PKD1L1: variants seen among roughly 807,000 people sequenced by gnomAD.
The protein encoded by PKD1L1 is polycystin-1-like protein 1.
A neutral mutation model predicts 323.4 loss-of-function variants in PKD1L1; 236 were observed. That is an observed-to-expected ratio of 0.73 (90% CI 0.66 to 0.81). The LOEUF is 0.81. PKD1L1 is among the 40% of genes least tolerant of loss of function. The pLI is 0.00. For missense variants in PKD1L1, 3,320 were observed against 3,508.0 expected (o/e 0.95, Z 1.35); for synonymous variants, 1,344 against 1,335.0 (o/e 1.01, Z -0.15).
intron 26 of PKD1L1, among the ~76,000 whole-genome samples, chr7:47,863,977 G>A (rs1191102332): frequency 6.6e-6 from 1 of 152,192 alleles, no homozygotes; most frequent in South Asian, 2.1e-4. Context: ...CTGGAAGCAG[G>A]TTTGATTTCA....
In PKD1L1 at chr7:47,837,002, C is replaced by T. The variant is rs148631970; in HGVS notation, c.5862G>A (p.Thr1954=). The T allele has an allele frequency of 1.1e-4, 175 of 1,614,188 alleles. 1 individual carries two copies. The African/African-American group carries it at 1.9e-3, about 17-fold the overall frequency. The change falls in exon 37 of 57, where the codon ACG becomes ACA. Residue 1954 remains threonine, a synonymous_variant. Coordinates refer to ENST00000289672, the MANE Select transcript of PKD1L1 (RefSeq NM_138295.5). ...SRPSSSRYLH[T]PRLTVSFSLL... is the part of the protein sequence containing the mutation. ...GGGAGAAGGACACGGTGAGGCGCGG[C>T]GTGTGCAGGTAGCGGCTGGAGGAGG...
chr7:47,880,877 G>A, intron 20 of PKD1L1, 72 bp from the exon 21 acceptor site: 1 of 1,237,296 alleles, frequency 8.1e-7, no homozygotes, highest in Admixed American at 2.1e-5. Context: ...CAGAGTCCTT[G>A]GAAATGAGTT....
Position 47,876,114 on chromosome 7 carries a change from T to G in PKD1L1, c.3767A>C (p.His1256Pro). 2 of 1,614,116 alleles carry G rather than the reference T, an allele frequency of 1.2e-6. No individual in the cohort carries two copies. Among genetic ancestry groups the G allele is most frequent in the Non-Finnish European group, 1.7e-6 (2 of 1,179,982 alleles). ...TAGCTTACCTTTGTAATTGTCCAAG[T>G]GCTCACCAGCTGGCAACACAAAATA... Reference protein sequence around the residue: ...QYYFVLPAGEHLDNYKVMVST... With the variant: ...QYYFVLPAGEPLDNYKVMVST... The change falls in exon 23 of 57, where the codon CAC becomes CCC. Residue 1256 changes from histidine to proline, a missense_variant. Physicochemically the swap from His to Pro is moderately conservative, Grantham distance 77 (BLOSUM62 -2). Coordinates refer to ENST00000289672, the MANE Select transcript of PKD1L1 (RefSeq NM_138295.5).
chr7:47,911,252 C>T (rs1244531682), intron 8 of PKD1L1, among the ~76,000 whole-genome samples: 1 of 152,146 alleles, frequency 6.6e-6, no homozygotes, highest in Non-Finnish European at 1.5e-5. Context: ...TCTGCTTTTA[C>T]TGTGTGCTGT....
rs201251343 is a variant in PKD1L1, at chr7:47,920,298, C to T, written c.1061-4699G>A. Among the ~76,000 whole-genome samples, 30 of 140,378 alleles carry T rather than the reference C, an allele frequency of 2.1e-4. 1 individual carries two copies. The highest frequency in any genetic ancestry group is 1.5e-3 in the Admixed American group (22 of 14,242). The allele number at this position is 140,378 out of a possible 152,430, so 92.1% of individuals were successfully genotyped here. A position where few individuals can be genotyped will look rare whatever the true frequency, so the allele number is the denominator to read the frequency against. On this transcript the variant is annotated intron_variant, in intron 7 of 56. Transcript: ENST00000289672. ...AAAAACCAAAACAAACAAACAAAAA[C>T]AAAAAAAAAAAACCACTTAGGAATA...
intron 50 of PKD1L1, among the ~76,000 whole-genome samples, chr7:47,809,913 T>G (rs768507534): frequency 3.3e-5 from 5 of 152,232 alleles, no homozygotes; most frequent in Non-Finnish European, 5.9e-5. Context: ...TCCTTGGCAC[T>G]GCTCAAAAGA....
intron 54 of PKD1L1, among the ~76,000 whole-genome samples, chr7:47,796,638 C>T (rs1256373218): frequency 1.3e-5 from 2 of 152,108 alleles, no homozygotes; most frequent in African/African-American, 2.4e-5. Flanking sequence ...AAGCTGTTAG[C>T]TCAAAAGCCT....
intron 26 of PKD1L1, among the ~76,000 whole-genome samples, chr7:47,864,369 G>A (rs1484044135): frequency 1.3e-5 from 2 of 152,056 alleles, no homozygotes. Flanking sequence ...CAATGCAGGG[G>A]GAACATCAGC....
chr7:47,784,576 A>G (rs6949502), intron 56 of PKD1L1, among the ~76,000 whole-genome samples: 42,245 of 151,772 alleles, frequency 0.28, 6,203 homozygotes, highest in East Asian at 0.57. Context: ...AGGCTCAAGC[A>G]ATTCTCCTGC....
intron 31 of PKD1L1, among the ~76,000 whole-genome samples, chr7:47,850,357 C>T (rs981941618): frequency 3.3e-5 from 5 of 152,048 alleles, no homozygotes; most frequent in South Asian, 2.1e-4. Context: ...TGGGGACGGG[C>T]GCCGTGGCTC....
chr7:47,777,762 C>T (rs1786601812), intron 56 of PKD1L1, among the ~76,000 whole-genome samples: 1 of 152,148 alleles, frequency 6.6e-6, no homozygotes, highest in African/African-American at 2.4e-5. Flanking sequence ...GGGAAGTTGG[C>T]ACAGTTCTCA....
At chr7:47,820,258 GAC>G (rs1325017070) in intron 46 of PKD1L1, among the ~76,000 whole-genome samples, 3 of 152,170 alleles carry the variant, frequency 2.0e-5, no homozygotes, top group Non-Finnish European at 4.4e-5. Context: ...AAAGAAATAT[GAC>G]ACAACAAAAT....
chr7:47,890,006 C>T (rs1786774810), intron 16 of PKD1L1, among the ~76,000 whole-genome samples: 1 of 152,240 alleles, frequency 6.6e-6, no homozygotes, highest in Non-Finnish European at 1.5e-5. Flanking sequence ...CCGGGGGCTG[C>T]ACTACACCCA....
Position 47,866,435 on chromosome 7 carries a change from A to G in PKD1L1, c.4076T>C (p.Leu1359Ser), listed in dbSNP as rs1260097958. ...QDALISSVCR[L>S]AFVDQEEMIG... Reference sequence around the variant, plus strand: ...GAGCCATACCTGATCTACAAAAGCCAATCTGCATACTGAAGAAATTAATGC... The same window carrying G: ...GAGCCATACCTGATCTACAAAAGCCGATCTGCATACTGAAGAAATTAATGC... Residue 1359 changes from leucine to serine, a missense_variant, in exon 25 of 57, where the codon TTG (leucine) becomes TCG (serine). Leu to Ser is a moderately radical substitution (Grantham distance 145). Coordinates refer to ENST00000289672, the MANE Select transcript of PKD1L1 (RefSeq NM_138295.5). The G allele has an allele frequency of 1.2e-6, 2 of 1,613,480 alleles. No individual in the cohort carries two copies. Among genetic ancestry groups the G allele is most frequent in the Non-Finnish European group, 1.7e-6 (2 of 1,179,790 alleles).
intron 9 of PKD1L1, 49 bp from the exon 10 acceptor site, chr7:47,906,011 C>T (rs1291061407): frequency 6.7e-7 from 1 of 1,494,896 alleles, no homozygotes; most frequent in African/African-American, 1.4e-5. Context: ...AAAATTAATT[C>T]ACTTTTATCA....
upstream of PKD1L1, among the ~76,000 whole-genome samples, chr7:47,952,422 A>G (rs1401697597): frequency 1.3e-5 from 2 of 152,186 alleles, no homozygotes; most frequent in Non-Finnish European, 2.9e-5. Flanking sequence ...TGGAACCCGA[A>G]GCAACAGGGA....
rs200426102 is a variant in PKD1L1, at chr7:47,843,024, G to A, written c.5383C>T (p.His1795Tyr). ...TCAATGACGACCGCATATAGCTGATGGCCCGGCAGGGAAGCTTCTTGCAGA... is the reference window on the plus strand; with the variant it reads ...TCAATGACGACCGCATATAGCTGATAGCCCGGCAGGGAAGCTTCTTGCAGA... Reference protein sequence around the residue: ...IFLQEASLPGHQLYAVVIDTG... With the variant: ...IFLQEASLPGYQLYAVVIDTG... The change falls in exon 34 of 57, where the codon CAT (histidine) becomes TAT (tyrosine). Residue 1795 changes from histidine (H) to tyrosine (Y), a missense_variant. His to Tyr is a moderately conservative substitution (Grantham distance 83, BLOSUM62 2). Transcript: ENST00000289672. The A allele has an allele frequency of 1.2e-5, 20 of 1,614,000 alleles. No individual in the cohort carries two copies. Among genetic ancestry groups the A allele is most frequent in the Admixed American group, 1.7e-5 (1 of 60,016 alleles).
intron 48 of PKD1L1, chr7:47,813,718 C>T (rs935929640): frequency 9.6e-5 from 61 of 633,848 alleles, no homozygotes; most frequent in Middle Eastern, 2.5e-4. Context: ...TGCAGCAGAA[C>T]GTCAAGGAAG....
chr7:47,876,120 C>G lies in PKD1L1; in HGVS notation c.3761G>C (p.Gly1254Ala), dbSNP rs1719816377. 1 of 1,614,008 alleles carries G rather than the reference C, an allele frequency of 6.2e-7. No individual in the cohort carries two copies. The highest frequency in any genetic ancestry group is 8.5e-7 in the Non-Finnish European group (1 of 1,179,998). Residue 1254 changes from glycine (G) to alanine (A), a missense_variant, in exon 23 of 57, where the codon GGT (glycine) becomes GCT (alanine). Coordinates refer to ENST00000289672, the MANE Select transcript of PKD1L1 (RefSeq NM_138295.5). The stretch of plus-strand genomic sequence containing the variant: ...ACCTTTGTAATTGTCCAAGTGCTCA[C>G]CAGCTGGCAACACAAAATAATACTG... ...DTQYYFVLPA[G>A]EHLDNYKVMV...
Sources: gnomAD v4.1 joint callset for allele counts (sites outside exome capture counted in the v4.1 genomes callset) on GRCh38, gnomAD v4.1.1 for gene constraint, MANE v1.5 for transcripts, NCBI Gene and HGNC (gene_info 2026-07-23, HGNC 2026-07-21) for gene names.